MPO: variants seen among roughly 807,000 people sequenced by gnomAD.
MPO encodes myeloperoxidase.
In MPO, 57 loss-of-function variants were observed where a neutral mutation model predicts 69.4. That is an observed-to-expected ratio of 0.82 (90% CI 0.66 to 1.02). MPO has a LOEUF of 1.02. Ranked by LOEUF, MPO falls within the 50% of genes least tolerant of loss-of-function variation. MPO has a pLI of 0.00. For missense variants in MPO, 971 were observed against 1,014.1 expected, an observed-to-expected ratio of 0.96 and a Z score of 0.58; for synonymous variants, 426 against 417.1, an observed-to-expected ratio of 1.02 and a Z score of -0.26.
rs199511274 is a variant in MPO, at chr17:58,271,797, G to A, written c.1888C>T (p.Leu630=). 25 of 1,614,186 alleles carry A rather than the reference G, an allele frequency of 1.5e-5. No individual in the cohort carries two copies. The East Asian group carries it at 5.3e-4, about 35-fold the overall frequency. ...TTGGGCGTGCCATACTGCTCCATCA[G>A]TTTCCTCGCCAATTTCAGGTTCCTC... ...VLRNLKLARK[L]MEQYGTPNNI... is the part of the protein sequence containing the mutation. The change falls in exon 11 of 12, where the codon CTG becomes TTG. Residue 630 remains leucine (L), a synonymous_variant. Transcript: ENST00000225275.
rs555968345 is a variant in MPO, at chr17:58,275,262, G to T, written c.1365+280C>A. Among the ~76,000 whole-genome samples, 114 of 152,208 alleles carry T rather than the reference G, an allele frequency of 7.5e-4. No homozygotes were observed. Among genetic ancestry groups the T allele is most frequent in the Non-Finnish European group, 1.5e-3 (105 of 68,018 alleles). On this transcript the variant is annotated intron_variant, in intron 8 of 11. Coordinates refer to ENST00000225275, the MANE Select transcript of MPO (RefSeq NM_000250.2). This position sits in a 1 kb window ranked among gnomAD's most constrained non-coding sequence, Gnocchi z 4.1. ...GAAGAATTTACTGAACAGCTACTTG[G>T]GCGCTAAACCAAACATTCAACCCTC...
chr17:58,272,711 G>T, intron 10 of MPO, 37 bp downstream of exon 10: 1 of 1,605,326 alleles, frequency 6.2e-7, no homozygotes. Flanking sequence ...CAGCTCAGGG[G>T]AGGTGAGCAT....
At chr17:58,272,466 A>G (rs1165826008) in intron 10 of MPO, among the ~76,000 whole-genome samples, 1 of 152,242 alleles carries the variant, frequency 6.6e-6, no homozygotes, top group Admixed American at 6.5e-5. Context: ...GCAAAATGGA[A>G]TGATGACAGA....
At chr17:58,280,529 G>T (rs889084436) in intron 1 of MPO, 70 bp from the exon 2 acceptor site, 43 of 1,612,308 alleles carry the variant, frequency 2.7e-5, no homozygotes, top group Non-Finnish European at 3.3e-5. Context: ...AGCTAGGAAG[G>T]CCTGCTCTGA....
chr17:58,277,889 T>C lies in MPO; in HGVS notation c.1142A>G (p.Asn381Ser), dbSNP rs372871861. 5.0e-6 allele frequency: 8 copies of C among 1,610,278 alleles called. No homozygotes were observed. In the African/African-American group the frequency reaches 9.3e-5, roughly 19 times the overall value. The change falls in exon 7 of 12, where the codon AAC becomes AGC. Residue 381 changes from asparagine (N) to serine (S), a missense_variant. Asn to Ser is a conservative substitution (Grantham distance 46). Coordinates refer to ENST00000225275, the MANE Select transcript of MPO (RefSeq NM_000250.2). Reference sequence around the variant, plus strand: ...GAGGAGACAGGGGTCATCGTGCAGGTTGTCAAAGGGCAGCAGGGCCCGGCC... The same window carrying C: ...GAGGAGACAGGGGTCATCGTGCAGGCTGTCAAAGGGCAGCAGGGCCCGGCC... ...DNGRALLPFDNLHDDPCLLTN... is the reference protein window; with the variant it reads ...DNGRALLPFDSLHDDPCLLTN...
At position 58,270,585 on chromosome 17, in the gene MPO, AAGG is replaced by A; in HGVS notation, c.*68_*70del. ...GAACAGGGCTGGGCTCATCTAGGGC[AAGG>A]AGATCTCCGTGGTTCCAACTGGCCA... On this transcript the variant is annotated 3_prime_UTR_variant, in exon 12 of 12. Transcript: ENST00000225275. The surrounding 1 kb of genome is among the most constrained non-coding windows in gnomAD (Gnocchi z 4.1). The A allele has an allele frequency of 7.8e-7, 1 of 1,285,680 alleles. No individual in the cohort carries two copies. Among genetic ancestry groups the A allele is most frequent in the South Asian group, 1.3e-5 (1 of 78,416 alleles). The allele number at this position is 1,285,680 out of a possible 1,614,324, so 79.6% of individuals were successfully genotyped here.
In MPO at chr17:58,276,987, A is replaced by G. The variant is rs938816767; in HGVS notation, c.1204+840T>C. On this transcript the variant is annotated intron_variant, in intron 7 of 11. Transcript: ENST00000225275. ...GCCAAGTGTGGTGGCAGGCGCCTGT[A>G]GTCCCAGCTACTCAGGAGGCTGAGG... Among the ~76,000 whole-genome samples, 7 of 152,290 alleles carry G rather than the reference A, an allele frequency of 4.6e-5. No individual in the cohort carries two copies. In the East Asian group the frequency reaches 1.2e-3, roughly 25 times the overall value.
At chr17:58,274,331 T>C (rs1970407561) in intron 8 of MPO, 3 of 435,764 alleles carry the variant, frequency 6.9e-6, no homozygotes, top group Non-Finnish European at 1.4e-5. Context: ...GAAAACTCTC[T>C]CCTCCAGAAT....
Position 58,273,445 on chromosome 17 carries a change from G to T in MPO, c.1590C>A (p.Val530=). The change falls in exon 9 of 12, where the codon GTC becomes GTA. Residue 530 remains valine (V), a synonymous_variant. Transcript: ENST00000225275. ...EPNPRVPLSR[V]FFASWRVVLE... ...GCACGACCCTCCAGGAGGCAAAAAAGACCCTGCTGAGGGGGACACGGGGGT... is the reference window on the plus strand; with the variant it reads ...GCACGACCCTCCAGGAGGCAAAAAATACCCTGCTGAGGGGGACACGGGGGT... The T allele has an allele frequency of 6.2e-7, 1 of 1,614,192 alleles. No homozygotes were observed. Among genetic ancestry groups the T allele is most frequent in the Non-Finnish European group, 8.5e-7 (1 of 1,180,046 alleles).
chr17:58,274,896 G>A lies in MPO; in HGVS notation c.1365+646C>T, dbSNP rs113109940. Among the ~76,000 whole-genome samples, 594 of 151,562 alleles carry A rather than the reference G, an allele frequency of 3.9e-3. 10 individuals carry two copies. Among genetic ancestry groups the A allele is most frequent in the African/African-American group, 0.013 (551 of 41,324 alleles). ...TTTATTTATTTTGAGATGGAGTCTC[G>A]CTCTGTCACCCAGGCTGGAGTGCAG... On this transcript the variant is annotated intron_variant, in intron 8 of 11. Coordinates refer to ENST00000225275, the MANE Select transcript of MPO (RefSeq NM_000250.2).
intron 10 of MPO, 63 bp downstream of exon 10, chr17:58,272,685 T>C: frequency 6.4e-7 from 1 of 1,571,412 alleles, no homozygotes; most frequent in Non-Finnish European, 8.7e-7. Context: ...AGGGGGGTGA[T>C]GGGCTACCTA....
rs1433875716 is a variant in MPO, at chr17:58,280,065, C to G, written c.249-51G>C. On this transcript the variant is annotated intron_variant, in intron 2 of 11. Coordinates refer to ENST00000225275, the MANE Select transcript of MPO (RefSeq NM_000250.2). ...GCCAGAGAAGGGATACAGACCCACC[C>G]AGCAGAGCCCCAGCCCAGGGGCAGA... 3 of 1,605,184 alleles carry G rather than the reference C, an allele frequency of 1.9e-6. No homozygotes were observed. In the East Asian group the frequency reaches 6.7e-5, roughly 36 times the overall value.
chr17:58,279,814 C>A, intron 3 of MPO, 25 bp downstream of exon 3: 1 of 1,613,958 alleles, frequency 6.2e-7, no homozygotes, highest in Non-Finnish European at 8.5e-7. Flanking sequence ...GGAGCAGGGA[C>A]CTGGGGTGTG....
In MPO at chr17:58,270,583, G is replaced by T; in HGVS notation, c.*73C>A. The T allele has an allele frequency of 2.4e-6, 3 of 1,273,138 alleles. No individual in the cohort carries two copies. The highest frequency in any genetic ancestry group is 1.3e-5 in the South Asian group (1 of 78,076). 78.9% of individuals were successfully genotyped at this position (1,273,138 alleles called of 1,614,324 possible). A position where few individuals can be genotyped will look rare whatever the true frequency, so the allele number is the denominator to read the frequency against. On this transcript the variant is annotated 3_prime_UTR_variant, in exon 12 of 12. Transcript: ENST00000225275. This position sits in a 1 kb window ranked among gnomAD's most constrained non-coding sequence, Gnocchi z 4.1. ...CAGAACAGGGCTGGGCTCATCTAGG[G>T]CAAGGAGATCTCCGTGGTTCCAACT...
rs1485151676 is a variant in MPO, at chr17:58,277,851, C to A, written c.1180G>T (p.Ala394Ser). 1.2e-6 allele frequency: 2 copies of A among 1,605,644 alleles called. No individual in the cohort carries two copies. Among genetic ancestry groups the A allele is most frequent in the Non-Finnish European group, 1.7e-6 (2 of 1,180,014 alleles). ...CCTGCCAGGAAGCAGGGGATGCGCG[C>A]TGAGCGGTTGGTGAGGAGACAGGGG... ...DDPCLLTNRSARIPCFLAGDT... is the reference protein window; with the variant it reads ...DDPCLLTNRSSRIPCFLAGDT... Residue 394 changes from alanine (A) to serine (S), a missense_variant, in exon 7 of 12, where the codon GCG becomes TCG. Ala to Ser is a moderately conservative substitution (Grantham distance 99). Coordinates refer to ENST00000225275, the MANE Select transcript of MPO (RefSeq NM_000250.2).
In MPO at chr17:58,279,066, A is replaced by G. The variant is rs1290127903; in HGVS notation, c.827T>C (p.Val276Ala). 2.5e-6 allele frequency: 4 copies of G among 1,612,954 alleles called. No individual in the cohort carries two copies. The East Asian group carries it at 8.9e-5, about 36-fold the overall frequency. Residue 276 changes from valine (V) to alanine (A), a missense_variant, in exon 6 of 12, where the codon GTC becomes GCC. By Grantham distance (64) the Val-to-Ala change is moderately conservative. Transcript: ENST00000225275. The part of the protein sequence containing the change: ...TPEPAARASF[V>A]TGVNCETSCV... Reference sequence around the variant, plus strand: ...GCTGGTCTCGCAGTTGACGCCAGTGACGAAGGAGGCCCGGGCGGCCGGCTC... The same window carrying G: ...GCTGGTCTCGCAGTTGACGCCAGTGGCGAAGGAGGCCCGGGCGGCCGGCTC...
In MPO at chr17:58,272,845, C is replaced by T. The variant is rs775905828; in HGVS notation, c.1695G>A (p.Val565=). The T allele has an allele frequency of 3.1e-6, 5 of 1,614,188 alleles. No homozygotes were observed. The South Asian group carries it at 4.4e-5, about 14-fold the overall frequency. The change falls in exon 10 of 12, where the codon GTG becomes GTA. Residue 565 remains valine (V), a synonymous_variant. Coordinates refer to ENST00000225275, the MANE Select transcript of MPO (RefSeq NM_000250.2). ...CAAACAATCGCTCCCGGATCTCATCCACTGCAATTTGGTTCTGACGATTCA... is the reference window on the plus strand; with the variant it reads ...CAAACAATCGCTCCCGGATCTCATCTACTGCAATTTGGTTCTGACGATTCA... The part of the protein sequence containing the change: ...AKLNRQNQIA[V]DEIRERLFEQ...
At chr17:58,271,983 C>T (rs1371352467) in intron 10 of MPO, 91 bp from the exon 11 acceptor site, 5 of 1,387,950 alleles carry the variant, frequency 3.6e-6, no homozygotes, top group Middle Eastern at 3.6e-4. Context: ...ATTCACATAT[C>T]GCCAGCAGCC....
At position 58,273,005 on chromosome 17, in the gene MPO, C is replaced by A. The variant is rs1598039800; in HGVS notation, c.1622-87G>T. 15 of 1,530,006 alleles carry A rather than the reference C, an allele frequency of 9.8e-6. No individual in the cohort carries two copies. In the Admixed American group the frequency reaches 2.6e-4, roughly 27 times the overall value. 94.8% of individuals were successfully genotyped at this position (1,530,006 alleles called of 1,614,324 possible). On this transcript the variant is annotated intron_variant, in intron 9 of 11. Transcript: ENST00000225275. ...AGTCAGGGACAAGTCCAGGTAGGGT[C>A]AGGAGGATTCGAGAAGAGGGCTGGG... is the stretch of plus-strand genomic sequence containing the variant.
Sources: allele counts gnomAD v4.1 joint callset (sites outside exome capture counted in the v4.1 genomes callset), GRCh38; gene constraint gnomAD v4.1.1; non-coding constraint Gnocchi (gnomAD v3.1); transcripts MANE v1.5; gene names NCBI Gene and HGNC (gene_info 2026-07-23, HGNC 2026-07-21).